RIC1: variants seen among roughly 807,000 people sequenced by gnomAD.
RIC1 encodes RIC1 partner of RAB6A GEF complex.
RIC1 carries 88 observed loss-of-function variants against 169.0 expected under a neutral mutation model. The observed-to-expected ratio is 0.52, with a 90% CI of 0.44 to 0.62. The LOEUF (loss-of-function observed/expected upper bound fraction) is 0.62, where lower values mean the gene tolerates loss of function less well. Among genes scored for constraint, RIC1 ranks in the 20% least tolerant of loss-of-function variants. The probability of loss-of-function intolerance (pLI) is 0.00; values close to 1 mark genes in which losing one functional copy is unlikely to be tolerated. For missense variants in RIC1, 1,877 were observed against 1,725.5 expected (o/e 1.09, Z -1.56); for synonymous variants, 790 against 601.5 (o/e 1.31, Z -4.59).
intron 17 of RIC1, among the ~76,000 whole-genome samples, chr9:5,761,293 T>C (rs1219354708): frequency 6.6e-6 from 1 of 151,834 alleles, no homozygotes; most frequent in Non-Finnish European, 1.5e-5. Context: ...TTTGTGTTTT[T>C]AGTAGAGACG....
At chr9:5,669,279 C>T (rs1819956451) in intron 2 of RIC1, among the ~76,000 whole-genome samples, 1 of 152,148 alleles carries the variant, frequency 6.6e-6, no homozygotes, top group Non-Finnish European at 1.5e-5. Flanking sequence ...TTATCCCTCA[C>T]CCGCCTCCCA....
At chr9:5,711,779 A>G (rs557859243) in intron 3 of RIC1, among the ~76,000 whole-genome samples, 3 of 151,958 alleles carry the variant, frequency 2.0e-5, no homozygotes, top group Non-Finnish European at 2.9e-5. Flanking sequence ...CCTGTGTCCA[A>G]GTGTTCTCAT....
chr9:5,718,329 A>G (rs996300791), intron 4 of RIC1, among the ~76,000 whole-genome samples: 1 of 152,096 alleles, frequency 6.6e-6, no homozygotes, highest in South Asian at 2.1e-4. Flanking sequence ...TGTATTTAAC[A>G]TTCCATTTTA....
At chr9:5,651,105 G>A (rs1007068066) in intron 1 of RIC1, among the ~76,000 whole-genome samples, 4 of 152,184 alleles carry the variant, frequency 2.6e-5, no homozygotes, top group African/African-American at 4.8e-5. Context: ...AGTTCTCTAT[G>A]CTAGTCTCTG....
At chr9:5,700,956 C>T (rs1202431841) in intron 3 of RIC1, among the ~76,000 whole-genome samples, 1 of 152,104 alleles carries the variant, frequency 6.6e-6, no homozygotes, top group Non-Finnish European at 1.5e-5. Flanking sequence ...ACATTCTTTT[C>T]CCCAGTTAGC....
intron 1 of RIC1, among the ~76,000 whole-genome samples, chr9:5,655,289 G>A (rs984719634): frequency 1.2e-4 from 18 of 151,958 alleles, no homozygotes; most frequent in African/African-American, 4.4e-4. Context: ...AGTTTGCTCA[G>A]TGTTTTTTGT....
intron 4 of RIC1, among the ~76,000 whole-genome samples, chr9:5,719,771 A>G (rs189094338): frequency 6.6e-5 from 10 of 152,298 alleles, no homozygotes; most frequent in East Asian, 1.9e-4. Flanking sequence ...TCATTATTCA[A>G]AGTTTTATTG....
intron 21 of RIC1, among the ~76,000 whole-genome samples, chr9:5,767,559 T>C (rs935821932): frequency 3.9e-5 from 6 of 152,080 alleles, no homozygotes; most frequent in Non-Finnish European, 8.8e-5. Context: ...TGAGAGCTTA[T>C]TGAACGTTTG....
At chr9:5,649,739 GT>G (rs36042296) in intron 1 of RIC1, among the ~76,000 whole-genome samples, 66,709 of 144,052 alleles carry the variant, frequency 0.46, 15,155 homozygotes, top group East Asian at 0.61. Flanking sequence ...ATAATTTCTT[GT>G]TTTTTTTTTT....
intron 16 of RIC1, among the ~76,000 whole-genome samples, chr9:5,756,873 C>T (rs754496009): frequency 3.3e-5 from 5 of 152,122 alleles, no homozygotes; most frequent in African/African-American, 2.4e-5. Flanking sequence ...CTACTTGCAA[C>T]GTATTTAGAC....
At chr9:5,715,424 G>A (rs1357447983) in intron 4 of RIC1, among the ~76,000 whole-genome samples, 1 of 152,178 alleles carries the variant, frequency 6.6e-6, no homozygotes, top group Non-Finnish European at 1.5e-5. Context: ...GAATTTAGGT[G>A]GTTGGAAATC....
Position 5,774,338 on chromosome 9 carries a change from C to T in RIC1, c.*92C>T. On this transcript the variant is annotated 3_prime_UTR_variant, in exon 26 of 26. Coordinates refer to ENST00000414202, the MANE Select transcript of RIC1 (RefSeq NM_020829.4). The stretch of plus-strand genomic sequence containing the variant: ...ATAGTTGGATGATTTAACAGGAGAA[C>T]TCAGTTCAGAGACTCTTCGGTAAGT... The T allele has an allele frequency of 8.8e-7, 1 of 1,140,532 alleles. No individual in the cohort carries two copies. The highest frequency in any genetic ancestry group is 1.2e-6 in the Non-Finnish European group (1 of 810,936). The allele number at this position is 1,140,532 out of a possible 1,614,324, so 70.7% of individuals were successfully genotyped here. A position where few individuals can be genotyped will look rare whatever the true frequency, so the allele number is the denominator to read the frequency against.
intron 1 of RIC1, among the ~76,000 whole-genome samples, chr9:5,638,916 T>A (rs1818102918): frequency 6.6e-6 from 1 of 152,132 alleles, no homozygotes; most frequent in African/African-American, 2.4e-5. Flanking sequence ...TTATTTGAAG[T>A]TTTTCTTCTT....
intron 10 of RIC1, among the ~76,000 whole-genome samples, chr9:5,743,963 GTTAA>G (rs1449717305): frequency 6.6e-6 from 1 of 152,012 alleles, no homozygotes. Context: ...TCCACACACG[GTTAA>G]TTTTTTTGAT....
chr9:5,672,806 T>A (rs1037574762), intron 2 of RIC1, among the ~76,000 whole-genome samples: 2 of 152,134 alleles, frequency 1.3e-5, no homozygotes, highest in African/African-American at 4.8e-5. Context: ...TAACTGAATT[T>A]CAGTCATGAG....
At chr9:5,710,564 C>T (rs1822868947) in intron 3 of RIC1, among the ~76,000 whole-genome samples, 1 of 152,178 alleles carries the variant, frequency 6.6e-6, no homozygotes, top group African/African-American at 2.4e-5. Context: ...ACGTAGTCAC[C>T]TTTTTATTGT....
intron 2 of RIC1, among the ~76,000 whole-genome samples, chr9:5,689,040 A>G (rs1040349840): frequency 2.1e-5 from 2 of 94,832 alleles, no homozygotes; most frequent in African/African-American, 8.0e-5. Context: ...TTTTAATACA[A>G]TTTCTTTTTT....
chr9:5,656,791 A>G (rs530089130), intron 2 of RIC1, 101 bp downstream of exon 2: 9 of 669,716 alleles, frequency 1.3e-5, no homozygotes, highest in African/African-American at 9.0e-5. Flanking sequence ...TTTTGCACTC[A>G]TAAGTATTTA....
chr9:5,770,344 C>G, intron 23 of RIC1, 66 bp downstream of exon 23: 2 of 1,264,802 alleles, frequency 1.6e-6, no homozygotes, highest in Non-Finnish European at 2.2e-6. Flanking sequence ...TATAGCACTT[C>G]AGAGATAGAC....
Sources: allele counts gnomAD v4.1 joint callset (sites outside exome capture counted in the v4.1 genomes callset), GRCh38; gene constraint gnomAD v4.1.1; transcripts MANE v1.5; gene names NCBI Gene and HGNC (gene_info 2026-07-23, HGNC 2026-07-21).